WASF3: variants seen among roughly 807,000 people sequenced by gnomAD.
WASF3 encodes WASP family member 3, also known as actin-binding protein WASF3.
In WASF3, 11 loss-of-function variants were observed where a neutral mutation model predicts 46.6. That is an observed-to-expected ratio of 0.24 (90% confidence interval 0.15 to 0.39). The LOEUF is 0.39. Among genes scored for constraint, WASF3 ranks in the 10% least tolerant of loss-of-function variants. WASF3 has a pLI of 1.00. For missense variants in WASF3, 576 were observed against 669.8 expected (o/e 0.86, Z 1.55); for synonymous variants, 242 against 259.7 (o/e 0.93, Z 0.65).
At position 26,682,110 on chromosome 13, in the gene WASF3, T is replaced by C. The variant is rs760400301; in HGVS notation, c.984-497T>C. ...TTAGTTTGGAAGACCCTCGGCTGAA[T>C]AGAATTCAGCAGATTTCTTGGCTGT... On this transcript the variant is annotated intron_variant, in intron 8 of 9. Transcript: ENST00000335327. The surrounding 1 kb of genome is among the most constrained non-coding windows in gnomAD (Gnocchi z 4.4). Among the ~76,000 whole-genome samples the C allele has an allele frequency of 3.3e-4, 50 of 152,222 alleles. No homozygotes were observed. The highest frequency in any genetic ancestry group is 6.2e-4 in the South Asian group (3 of 4,836).
intron 2 of WASF3, chr13:26,638,065 G>A (rs143056774): frequency 1.3e-5 from 2 of 152,422 alleles, no homozygotes; most frequent in South Asian, 2.1e-4. Context: ...GGGTGTTAGC[G>A]AGCTTTCCTA....
intron 3 of WASF3, among the ~76,000 whole-genome samples, chr13:26,654,537 C>G (rs1464032348): frequency 1.3e-5 from 2 of 152,204 alleles, no homozygotes. Context: ...TATATTTCTT[C>G]AAGCAACAAG....
intron 1 of WASF3, among the ~76,000 whole-genome samples, chr13:26,572,900 C>A (rs1251243113): frequency 5.3e-5 from 8 of 152,072 alleles, no homozygotes; most frequent in Non-Finnish European, 1.2e-4. Flanking sequence ...TATTTTATTT[C>A]AGAATTTGGC....
Position 26,564,864 on chromosome 13 carries a change from T to G in WASF3, c.-109+7045T>G, listed in dbSNP as rs115901513. On this transcript the variant is annotated intron_variant, in intron 1 of 9. Transcript: ENST00000335327. ...GTTGCTCTACTACCATCACTTATTT[T>G]CCAACTTCTCAAAATATGTACATGA... Among the ~76,000 whole-genome samples the G allele has an allele frequency of 3.5e-3, 523 of 150,248 alleles. 3 individuals are homozygous for G. The highest frequency in any genetic ancestry group is 0.012 in the African/African-American group (496 of 40,990).
At chr13:26,674,057 C>A (rs1029335625) in intron 6 of WASF3, among the ~76,000 whole-genome samples, 3 of 152,118 alleles carry the variant, frequency 2.0e-5, no homozygotes, top group African/African-American at 7.2e-5. Context: ...GGGGGAGGAA[C>A]CAGTTTGGCA....
chr13:26,606,321 CGTGT>C (rs60865367), intron 1 of WASF3, among the ~76,000 whole-genome samples: 24,934 of 131,712 alleles, frequency 0.19, 2,382 homozygotes, highest in East Asian at 0.23. Flanking sequence ...TCTTTTTTTT[CGTGT>C]GTGTGTGTGT....
At position 26,609,015 on chromosome 13, in the gene WASF3, C is replaced by G. The variant is rs1880889272; in HGVS notation, c.-108-3946C>G. ...TGGGGAAATAGAGCTATATCTCGAG[C>G]TAGCTTCTCATTTCTGGAAAACTAG... On this transcript the variant is annotated intron_variant, in intron 1 of 9. Coordinates refer to ENST00000335327, the MANE Select transcript of WASF3 (RefSeq NM_006646.6). 3.9e-5 allele frequency among the ~76,000 whole-genome samples: 6 copies of G among 152,254 alleles called. No homozygotes were observed. In the South Asian group the frequency reaches 1.0e-3, roughly 26 times the overall value.
At chr13:26,544,161 A>G in the WASF3 span, among the ~76,000 whole-genome samples, 3 of 152,228 alleles carry the variant, frequency 2.0e-5, no homozygotes, top group Non-Finnish European at 4.4e-5. Context: ...CAGACAATTT[A>G]GTTTTCAAGA....
chr13:26,615,194 AT>A (rs1479627202), intron 2 of WASF3, among the ~76,000 whole-genome samples: 1 of 151,888 alleles, frequency 6.6e-6, no homozygotes, highest in Non-Finnish European at 1.5e-5. Flanking sequence ...CAGTCGACTT[AT>A]TTTTACTTGA....
chr13:26,607,426 C>CA (rs1053436327), intron 1 of WASF3, among the ~76,000 whole-genome samples: 21 of 150,628 alleles, frequency 1.4e-4, no homozygotes, highest in Middle Eastern at 3.5e-3. Context: ...GCTTTATAGG[C>CA]AAAAAAAAGG....
At chr13:26,675,344 G>A (rs1344327646) in intron 6 of WASF3, among the ~76,000 whole-genome samples, 10 of 151,740 alleles carry the variant, frequency 6.6e-5, no homozygotes, top group Non-Finnish European at 1.2e-4. Flanking sequence ...CCTCCCCAGA[G>A]CTCTCACACA....
At chr13:26,577,348 T>C (rs1879831354) in intron 1 of WASF3, 28 of 763,126 alleles carry the variant, frequency 3.7e-5, no homozygotes, top group South Asian at 3.6e-4. Flanking sequence ...AAACCTTTTA[T>C]GCTCAGCACC....
chr13:26,552,186 G>C, the WASF3 span, among the ~76,000 whole-genome samples: 1 of 152,098 alleles, frequency 6.6e-6, no homozygotes. Context: ...GGTTACCTTG[G>C]GGGAAAAAGA....
rs879637929 is a variant in WASF3 at position 26,567,706 on chromosome 13, A to AT, written c.-109+9887_-109+9888insT. On this transcript the variant is annotated intron_variant, in intron 1 of 9. Coordinates refer to ENST00000335327, the MANE Select transcript of WASF3 (RefSeq NM_006646.6). ...AAGCTAATAAACGACATTAAAAAAAAAATATATATATATATAATCTCCCTT... is the reference window on the plus strand; with the variant it reads ...AAGCTAATAAACGACATTAAAAAAAATAATATATATATATATAATCTCCCTT... Among the ~76,000 whole-genome samples, 1,151 of 144,600 alleles carry AT rather than the reference A, an allele frequency of 8.0e-3. 5 individuals are homozygous for AT. Among genetic ancestry groups the AT allele is most frequent in the Non-Finnish European group, 0.013 (847 of 65,694 alleles). 94.9% of individuals were successfully genotyped at this position (144,600 alleles called of 152,430 possible). A position where few individuals can be genotyped will look rare whatever the true frequency, so the allele number is the denominator to read the frequency against.
chr13:26,593,958 A>T (rs1207806078), intron 1 of WASF3, among the ~76,000 whole-genome samples: 1 of 152,202 alleles, frequency 6.6e-6, no homozygotes, highest in African/African-American at 2.4e-5. Flanking sequence ...CACTGAAGGG[A>T]ACATCTTCGT....
At chr13:26,671,767 T>G in intron 5 of WASF3, 105 bp from the exon 6 acceptor site, 1 of 736,198 alleles carries the variant, frequency 1.4e-6, no homozygotes, top group South Asian at 2.0e-5. Flanking sequence ...AAGTGCCCCA[T>G]GTAGATGTTA....
At chr13:26,549,444 A>G in the WASF3 span, among the ~76,000 whole-genome samples, 1 of 152,190 alleles carries the variant, frequency 6.6e-6, no homozygotes, top group Non-Finnish European at 1.5e-5. Flanking sequence ...TTATTAATAA[A>G]GCTTCATTAT....
chr13:26,614,991 G>A (rs1056207397), intron 2 of WASF3, among the ~76,000 whole-genome samples: 1 of 151,968 alleles, frequency 6.6e-6, no homozygotes, highest in Non-Finnish European at 1.5e-5. Context: ...GCTTGGTGAG[G>A]CAGATTCTGT....
chr13:26,669,821 C>T (rs1036424915), intron 5 of WASF3, among the ~76,000 whole-genome samples: 7 of 148,194 alleles, frequency 4.7e-5, no homozygotes, highest in African/African-American at 1.7e-4. Context: ...GCCTAAGTGA[C>T]GGAAAAATTA....
Sources: gnomAD v4.1 joint callset for allele counts (sites outside exome capture counted in the v4.1 genomes callset) on GRCh38, gnomAD v4.1.1 for gene constraint, Gnocchi (gnomAD v3.1) non-coding constraint, MANE v1.5 for transcripts, NCBI Gene and HGNC (gene_info 2026-07-23, HGNC 2026-07-21) for gene names.